Variants in PLXNA2 observed in about 807,000 individuals in gnomAD.
PLXNA2 encodes plexin A2, also known as plexin-A2.
A neutral mutation model predicts 193.5 loss-of-function variants in PLXNA2; 91 were observed. The observed-to-expected ratio is 0.47, with a 90% confidence interval of 0.40 to 0.56. PLXNA2 has a LOEUF of 0.56. PLXNA2 is among the 20% of genes least tolerant of loss of function. The pLI, the probability that PLXNA2 is intolerant of heterozygous loss-of-function variation, is 0.00. For missense variants in PLXNA2, 1,995 were observed against 2,503.2 expected (o/e 0.80, Z 4.33); for synonymous variants, 997 against 1,027.3 (o/e 0.97, Z 0.56).
intron 3 of PLXNA2, among the ~76,000 whole-genome samples, chr1:208,145,637 G>A (rs1183779382): frequency 6.6e-6 from 1 of 152,152 alleles, no homozygotes; most frequent in Non-Finnish European, 1.5e-5. Flanking sequence ...GGTACCCGTG[G>A]CAAGATTAGA....
chr1:208,108,670 T>C (rs569353208), intron 4 of PLXNA2, among the ~76,000 whole-genome samples: 45 of 152,346 alleles, frequency 3.0e-4, no homozygotes, highest in Non-Finnish European at 5.0e-4. Context: ...AAACATCTAC[T>C]GAGCACTTAC....
At chr1:208,126,284 T>C (rs1423800753) in intron 4 of PLXNA2, among the ~76,000 whole-genome samples, 1 of 152,140 alleles carries the variant, frequency 6.6e-6, no homozygotes, top group Non-Finnish European at 1.5e-5. Context: ...GGTGGTTTGG[T>C]TCTTTCTGGC....
rs1233707715 is a variant in PLXNA2 at position 208,092,904 on chromosome 1, C to A, written c.1983-4G>T. 1 of 1,605,732 alleles carries A rather than the reference C, an allele frequency of 6.2e-7. No individual in the cohort carries two copies. Among genetic ancestry groups the A allele is most frequent in the Non-Finnish European group, 8.5e-7 (1 of 1,172,808 alleles). ...GCTGTTGACACAGGACAGGCACCTGCAAGGACAGAGATGGTGAGAGGCAAA... is the reference window on the plus strand; with the variant it reads ...GCTGTTGACACAGGACAGGCACCTGAAAGGACAGAGATGGTGAGAGGCAAA... On this transcript the variant is annotated splice_polypyrimidine_tract_variant and splice_region_variant and intron_variant, in intron 8 of 31. Coordinates refer to ENST00000367033, the MANE Select transcript of PLXNA2 (RefSeq NM_025179.4).
At chr1:208,202,147 T>G (rs1024171162) in intron 3 of PLXNA2, among the ~76,000 whole-genome samples, 2 of 151,852 alleles carry the variant, frequency 1.3e-5, no homozygotes, top group Non-Finnish European at 2.9e-5. Context: ...GCCCGGCTAA[T>G]TTTTGTATTT....
chr1:208,138,574 C>T (rs536590134), intron 4 of PLXNA2, among the ~76,000 whole-genome samples: 2 of 152,238 alleles, frequency 1.3e-5, no homozygotes, highest in East Asian at 1.9e-4. Flanking sequence ...CATGTGGCCT[C>T]ATAAATCTCT....
At chr1:208,133,408 T>G (rs1558209511) in intron 4 of PLXNA2, among the ~76,000 whole-genome samples, 1 of 152,240 alleles carries the variant, frequency 6.6e-6, no homozygotes, top group Admixed American at 6.5e-5. Flanking sequence ...GTGCTATTGT[T>G]GCATTGAAAA....
chr1:208,172,551 G>T (rs537615108), intron 3 of PLXNA2, among the ~76,000 whole-genome samples: 6 of 152,138 alleles, frequency 3.9e-5, no homozygotes, highest in Admixed American at 3.9e-4. Context: ...AGGCTGAGCC[G>T]AGCACATGCC....
chr1:208,067,815 C>T (rs1665845994), intron 12 of PLXNA2, among the ~76,000 whole-genome samples: 1 of 152,194 alleles, frequency 6.6e-6, no homozygotes, highest in African/African-American at 2.4e-5. Flanking sequence ...TTAAGCGATG[C>T]ATGACTGTAC....
At chr1:208,178,566 T>C (rs1572001780) in intron 3 of PLXNA2, among the ~76,000 whole-genome samples, 2 of 152,108 alleles carry the variant, frequency 1.3e-5, no homozygotes, top group South Asian at 2.1e-4. Flanking sequence ...CTCCAAGGGG[T>C]TCCTATGTGT....
At chr1:208,161,764 C>A (rs1182834831) in intron 3 of PLXNA2, among the ~76,000 whole-genome samples, 3 of 152,142 alleles carry the variant, frequency 2.0e-5, no homozygotes, top group Non-Finnish European at 4.4e-5. Flanking sequence ...TGGTTCTCAT[C>A]ACATTCATCT....
At chr1:208,150,310 TTC>T (rs1469056511) in intron 3 of PLXNA2, among the ~76,000 whole-genome samples, 1 of 152,206 alleles carries the variant, frequency 6.6e-6, no homozygotes, top group Non-Finnish European at 1.5e-5. Flanking sequence ...TTATTTCTAT[TTC>T]TGTCCATGTT....
At chr1:208,064,657 G>A (rs1316688621) in intron 12 of PLXNA2, among the ~76,000 whole-genome samples, 1 of 152,244 alleles carries the variant, frequency 6.6e-6, no homozygotes, top group East Asian at 1.9e-4. Flanking sequence ...CCAGGCAGCT[G>A]AGAATGAGTC....
intron 3 of PLXNA2, among the ~76,000 whole-genome samples, chr1:208,205,429 G>T (rs1670685850): frequency 6.6e-6 from 1 of 152,120 alleles, no homozygotes; most frequent in Non-Finnish European, 1.5e-5. Flanking sequence ...TCCAGGCCAT[G>T]CCTTGCCCTG....
At chr1:208,130,863 T>C (rs917267007) in intron 4 of PLXNA2, among the ~76,000 whole-genome samples, 1 of 152,196 alleles carries the variant, frequency 6.6e-6, no homozygotes, top group Non-Finnish European at 1.5e-5. Flanking sequence ...TGGCCAGAAC[T>C]CACAGGTGGT....
At position 208,033,523 on chromosome 1, in the gene PLXNA2, G is replaced by T. The variant is rs78000533; in HGVS notation, c.4865-14C>A. The T allele has an allele frequency of 2.2e-3, 3,476 of 1,588,646 alleles. 78 individuals carry two copies. In the African/African-American group the frequency reaches 0.041, roughly 19 times the overall value. ...TGAAGGAGGAGTCTGAGGAGAAGGG[G>T]TTGGTGGAGGGCTGTGAGTAACAGT... On this transcript the variant is annotated splice_polypyrimidine_tract_variant and intron_variant, in intron 27 of 31. Coordinates refer to ENST00000367033, the MANE Select transcript of PLXNA2 (RefSeq NM_025179.4).
chr1:208,131,587 A>T (rs1668155486), intron 4 of PLXNA2, among the ~76,000 whole-genome samples: 1 of 152,220 alleles, frequency 6.6e-6, no homozygotes, highest in Admixed American at 6.5e-5. Context: ...TAAGATGGGG[A>T]ACACAGGAGG....
chr1:208,173,656 G>C (rs969372553), intron 3 of PLXNA2, among the ~76,000 whole-genome samples: 4 of 152,222 alleles, frequency 2.6e-5, no homozygotes, highest in African/African-American at 7.2e-5. Context: ...AAGGGCCAAG[G>C]CTTCTGTTCC....
rs542036525 is a variant in PLXNA2 at position 208,176,661 on chromosome 1, T to C, written c.1371+33619A>G. Among the ~76,000 whole-genome samples, 10 of 152,354 alleles carry C rather than the reference T, an allele frequency of 6.6e-5. No individual in the cohort carries two copies. In the South Asian group the frequency reaches 2.1e-3, roughly 32 times the overall value. ...GAGGATGCAAGGGAAGGCCAGCTCCTACTGTGTCTGTTCATGTAGCCCATG... is the reference window on the plus strand; with the variant it reads ...GAGGATGCAAGGGAAGGCCAGCTCCCACTGTGTCTGTTCATGTAGCCCATG... On this transcript the variant is annotated intron_variant, in intron 3 of 31. Coordinates refer to ENST00000367033, the MANE Select transcript of PLXNA2 (RefSeq NM_025179.4).
intron 29 of PLXNA2, chr1:208,030,753 A>T: frequency 1.0e-6 from 1 of 985,352 alleles, no homozygotes; most frequent in Non-Finnish European, 1.2e-6. Flanking sequence ...TGCCTGCCCA[A>T]CCCAAATGCC....
Sources: allele counts gnomAD v4.1 joint callset (sites outside exome capture counted in the v4.1 genomes callset), GRCh38; gene constraint gnomAD v4.1.1; transcripts MANE v1.5; gene names NCBI Gene and HGNC (gene_info 2026-07-23, HGNC 2026-07-21).